GMFB: variants seen among roughly 807,000 people sequenced by gnomAD.
GMFB encodes the protein GMF-beta.
Under a neutral mutation model 25.6 loss-of-function variants are expected in GMFB, and 13 were observed. That is an observed-to-expected ratio of 0.51 (90% CI 0.33 to 0.81). The LOEUF (loss-of-function observed/expected upper bound fraction) is 0.81, where lower values mean the gene tolerates loss of function less well. Ranked by LOEUF, GMFB falls within the 30% of genes least tolerant of loss-of-function variation. The probability of loss-of-function intolerance (pLI) is 0.02; values close to 1 mark genes in which losing one functional copy is unlikely to be tolerated. For missense variants in GMFB, 146 were observed against 175.4 expected, an observed-to-expected ratio of 0.83 and a Z score of 0.95; for synonymous variants, 57 against 56.9, an observed-to-expected ratio of 1.00 and a Z score of 0.00.
intron 1 of GMFB, among the ~76,000 whole-genome samples, chr14:54,484,350 C>T (rs972386442): frequency 2.6e-5 from 4 of 151,494 alleles, no homozygotes; most frequent in Non-Finnish European, 4.4e-5. Flanking sequence ...GAAATAAAAG[C>T]AGAGACAAAA....
Position 54,480,968 on chromosome 14 carries a change from G to C in GMFB, c.201-12C>G. ...TATACACAATGAAGGTTTTTCTCAA[G>C]TTAAAGAAACTAAAGTTACTGCTCT... On this transcript the variant is annotated splice_polypyrimidine_tract_variant and intron_variant, in intron 4 of 6. Coordinates refer to ENST00000358056, the MANE Select transcript of GMFB (RefSeq NM_004124.3). 7.5e-7 allele frequency: 1 copy of C among 1,336,930 alleles called. No homozygotes were observed. Among genetic ancestry groups the C allele is most frequent in the African/African-American group, 1.5e-5 (1 of 67,526 alleles). The allele number at this position is 1,336,930 out of a possible 1,614,324, so 82.8% of individuals were successfully genotyped here.
chr14:54,488,947 G>C lies in GMFB; in HGVS notation c.-20C>G. The stretch of plus-strand genomic sequence containing the variant: ...CACCATTTTCCTTCCGGCCGTCAGC[G>C]GCCTGTCGCCTACACTCGGGCGCCT... On this transcript the variant is annotated 5_prime_UTR_variant, in exon 1 of 7. Transcript: ENST00000358056. The C allele has an allele frequency of 6.4e-7, 1 of 1,559,342 alleles. No individual in the cohort carries two copies. Among genetic ancestry groups the C allele is most frequent in the East Asian group, 2.6e-5 (1 of 38,018 alleles).
At chr14:54,485,101 C>CT (rs1489653029) in intron 1 of GMFB, among the ~76,000 whole-genome samples, 1 of 151,986 alleles carries the variant, frequency 6.6e-6, no homozygotes, top group African/African-American at 2.4e-5. Context: ...AGCCTTTACT[C>CT]TAAGTTCTGG....
rs189737391 is a variant in GMFB, at chr14:54,484,124, C to G, written c.4-357G>C. 3.7e-4 allele frequency: 118 copies of G among 322,698 alleles called. 1 individual carries two copies. In the East Asian group the frequency reaches 6.6e-3, roughly 18 times the overall value. The allele number at this position is 322,698 out of a possible 1,614,324, so 20.0% of individuals were successfully genotyped here. A position where few individuals can be genotyped will look rare whatever the true frequency, so the allele number is the denominator to read the frequency against. On this transcript the variant is annotated intron_variant, in intron 1 of 6. Coordinates refer to ENST00000358056, the MANE Select transcript of GMFB (RefSeq NM_004124.3). ...CACTGTCTGCTGTTAGAAAGGGAGT[C>G]AAGCATACTATTTTTACACAGTGAA...
intron 2 of GMFB, among the ~76,000 whole-genome samples, chr14:54,482,461 C>T: frequency 6.6e-6 from 1 of 152,158 alleles, no homozygotes; most frequent in Admixed American, 6.5e-5. Flanking sequence ...TCTTACATTT[C>T]CTGTGTATAT....
At position 54,476,212 on chromosome 14, in the gene GMFB, A is replaced by G. The variant is rs549969530; in HGVS notation, c.*1876T>C. On this transcript the variant is annotated 3_prime_UTR_variant, in exon 7 of 7. Transcript: ENST00000358056. ...GAGTGCTAACGTATGGCAGGTCAAT[A>G]TTATCTGACATTATGGAGGACCTCC... The G allele has an allele frequency of 6.6e-6, 1 of 152,186 alleles. No homozygotes were observed. Among genetic ancestry groups the G allele is most frequent in the East Asian group, 1.9e-4 (1 of 5,184 alleles). 9.4% of individuals were successfully genotyped at this position (152,186 alleles called of 1,614,324 possible).
rs767025040 is a variant in GMFB at position 54,481,472 on chromosome 14, G to A, written c.151-14C>T. The A allele has an allele frequency of 6.3e-7, 1 of 1,595,390 alleles. No individual in the cohort carries two copies. The highest frequency in any genetic ancestry group is 1.7e-5 in the Admixed American group (1 of 59,906). On this transcript the variant is annotated splice_polypyrimidine_tract_variant and intron_variant, in intron 3 of 6. Coordinates refer to ENST00000358056, the MANE Select transcript of GMFB (RefSeq NM_004124.3). ...TGGTGAAATGCCCTGGCACCACAGAGAAAAGCAACTTTTAAACATTTTCTT... is the reference window on the plus strand; with the variant it reads ...TGGTGAAATGCCCTGGCACCACAGAAAAAAGCAACTTTTAAACATTTTCTT...
chr14:54,483,812 T>C (rs1307714161), intron 1 of GMFB, 45 bp from the exon 2 acceptor site: 1 of 1,016,634 alleles, frequency 9.8e-7, no homozygotes, highest in Admixed American at 1.8e-5. Context: ...GACTTCAATA[T>C]ATGTACATGT....
chr14:54,487,453 G>T (rs907890565), intron 1 of GMFB, among the ~76,000 whole-genome samples: 6 of 151,788 alleles, frequency 4.0e-5, no homozygotes, highest in South Asian at 2.1e-4. Context: ...GAGAACGAAC[G>T]GCGTGAACCA....
chr14:54,487,524 G>T (rs2031803637), intron 1 of GMFB, among the ~76,000 whole-genome samples: 1 of 151,350 alleles, frequency 6.6e-6, no homozygotes, highest in Non-Finnish European at 1.5e-5. Flanking sequence ...ACGCGACAGA[G>T]CGAGACTCCA....
At chr14:54,486,165 G>C (rs771425389) in intron 1 of GMFB, among the ~76,000 whole-genome samples, 3 of 152,038 alleles carry the variant, frequency 2.0e-5, no homozygotes, top group Non-Finnish European at 4.4e-5. Flanking sequence ...CAGGAGAATC[G>C]CTTGAACCCG....
Position 54,475,074 on chromosome 14 carries a change from T to C in GMFB, c.*3014A>G, listed in dbSNP as rs1487412288. 3.3e-5 allele frequency: 5 copies of C among 152,592 alleles called. No individual in the cohort carries two copies. The highest frequency in any genetic ancestry group is 4.8e-5 in the African/African-American group (2 of 41,448). 9.5% of individuals were successfully genotyped at this position (152,592 alleles called of 1,614,324 possible). On this transcript the variant is annotated 3_prime_UTR_variant, in exon 7 of 7. Coordinates refer to ENST00000358056, the MANE Select transcript of GMFB (RefSeq NM_004124.3). ...AGCAACCATAGTAAGAATACTTGAA[T>C]TGATAGAATATGAGTTACTCTCTAC...
intron 6 of GMFB, chr14:54,478,793 G>A (rs2031673450): frequency 6.6e-6 from 1 of 152,122 alleles, no homozygotes; most frequent in East Asian, 1.9e-4. Flanking sequence ...CATCCACTGG[G>A]TCTGTTTTCC....
intron 1 of GMFB, 30 bp downstream of exon 1, chr14:54,488,895 C>G (rs201519423): frequency 6.4e-7 from 1 of 1,554,116 alleles, no homozygotes; most frequent in Non-Finnish European, 8.7e-7. Flanking sequence ...GCCCAGCCCT[C>G]CGGCCCCCGC....
chr14:54,481,196 C>A (rs539921069), intron 4 of GMFB: 1 of 579,588 alleles, frequency 1.7e-6, no homozygotes, highest in Non-Finnish European at 3.1e-6. Flanking sequence ...TTATTGTACA[C>A]GTTATAATAA....
chr14:54,480,917 T>C lies in GMFB; in HGVS notation c.240A>G (p.Gly80=), dbSNP rs1444512958. ...VYSYKYQHDD[G]RVSYPLCFIF... ...TAAAGCACAGAGGATATGAAACTCT[T>C]CCATCATCATGTTGATATTTATAAC... Residue 80 remains glycine, a synonymous_variant, in exon 5 of 7, where the codon GGA becomes GGG. Transcript: ENST00000358056. The C allele has an allele frequency of 1.3e-6, 2 of 1,541,254 alleles. No homozygotes were observed. The highest frequency in any genetic ancestry group is 1.8e-5 in the Admixed American group (1 of 56,310).
At chr14:54,487,328 G>A (rs905708935) in intron 1 of GMFB, among the ~76,000 whole-genome samples, 1 of 151,956 alleles carries the variant, frequency 6.6e-6, no homozygotes, top group Non-Finnish European at 1.5e-5. Flanking sequence ...TCAGGAGATC[G>A]AGACCATCCT....
At chr14:54,486,317 A>G (rs910616376) in intron 1 of GMFB, among the ~76,000 whole-genome samples, 1 of 152,160 alleles carries the variant, frequency 6.6e-6, no homozygotes, top group African/African-American at 2.4e-5. Context: ...TCAAATCAAA[A>G]TGGATTAAAG....
rs375266091 is a variant in GMFB at position 54,481,034 on chromosome 14, C to T, written c.201-78G>A. On this transcript the variant is annotated intron_variant, in intron 4 of 6. Transcript: ENST00000358056. ...CAACACCTGGGGAGCTACTGAGCTG[C>T]AAGTTTCTGTCCTATTCTTTTAGGC... is the stretch of plus-strand genomic sequence containing the variant. 2.4e-3 allele frequency: 1,620 copies of T among 674,780 alleles called. 37 individuals carry two copies. In the South Asian group the frequency reaches 0.027, roughly 11 times the overall value. 41.8% of individuals were successfully genotyped at this position (674,780 alleles called of 1,614,324 possible). A position where few individuals can be genotyped will look rare whatever the true frequency, so the allele number is the denominator to read the frequency against.
Sources: allele counts gnomAD v4.1 joint callset (sites outside exome capture counted in the v4.1 genomes callset), GRCh38; gene constraint gnomAD v4.1.1; transcripts MANE v1.5; gene names NCBI Gene and HGNC (gene_info 2026-07-23, HGNC 2026-07-21).